BOC: variants seen among roughly 807,000 people sequenced by gnomAD.
The protein encoded by BOC is brother of CDO.
In BOC, 76 loss-of-function variants were observed where a neutral mutation model predicts 112.0. The ratio of observed to expected loss-of-function variants is 0.68; its 90% CI spans 0.56 to 0.82. The LOEUF is 0.82. Among genes scored for constraint, BOC ranks in the 40% least tolerant of loss-of-function variants. BOC has a pLI of 0.00. For missense variants in BOC, 1,309 were observed against 1,511.7 expected, an observed-to-expected ratio of 0.87 and a Z score of 2.22; for synonymous variants, 580 against 599.8, an observed-to-expected ratio of 0.97 and a Z score of 0.48.
chr3:113,213,147 C>G (rs891778584), intron 1 of BOC, among the ~76,000 whole-genome samples: 3 of 152,144 alleles, frequency 2.0e-5, no homozygotes, highest in African/African-American at 7.2e-5. Context: ...CAAACTGGCA[C>G]TTTTTGGGTG....
At chr3:113,270,631 A>T (rs1376883959) in intron 5 of BOC, 170 bp from the exon 6 acceptor site, 1 of 707,802 alleles carries the variant, frequency 1.4e-6, no homozygotes, top group Admixed American at 3.0e-5. Context: ...GCAAGGTTTT[A>T]TGGGGAGAAC....
chr3:113,268,205 G>T (rs922128459), intron 4 of BOC, 94 bp from the exon 5 acceptor site: 3 of 1,544,068 alleles, frequency 1.9e-6, no homozygotes, highest in East Asian at 2.3e-5. Flanking sequence ...TGTGAGCTTT[G>T]TCATGACTGA....
chr3:113,272,811 C>T, intron 7 of BOC, 108 bp downstream of exon 7: 1 of 1,351,632 alleles, frequency 7.4e-7, no homozygotes, highest in Non-Finnish European at 1.0e-6. Flanking sequence ...TGTGAAAGGC[C>T]ACATGCTGAG....
chr3:113,225,509 C>G (rs893165847), intron 2 of BOC, among the ~76,000 whole-genome samples: 2 of 152,228 alleles, frequency 1.3e-5, no homozygotes, highest in African/African-American at 4.8e-5. Flanking sequence ...TCATCTGGCC[C>G]ATTCTCCAAT....
At chr3:113,257,411 A>G (rs1187161359) in intron 4 of BOC, among the ~76,000 whole-genome samples, 1 of 152,220 alleles carries the variant, frequency 6.6e-6, no homozygotes, top group African/African-American at 2.4e-5. Flanking sequence ...TCACCTTGGC[A>G]GAGGCATATT....
chr3:113,286,848 C>G lies in BOC; in HGVS notation c.3334C>G (p.Pro1112Ala). The change falls in exon 20 of 20, where the codon CCT becomes GCT. Residue 1112 changes from proline (P) to alanine (A), a missense_variant. By Grantham distance (27) the Pro-to-Ala change is conservative (BLOSUM62 -1). Transcript: ENST00000682979. The stretch of plus-strand genomic sequence containing the variant: ...GGTGCGTGTGTCTTTTGAAACACCA[C>G]CTCTCACAATTTAGGCAGAAGCTGA... ...PLVRVSFETP[P>A]LTI 1 of 1,587,536 alleles carries G rather than the reference C, an allele frequency of 6.3e-7. No homozygotes were observed. The highest frequency in any genetic ancestry group is 8.5e-7 in the Non-Finnish European group (1 of 1,169,666).
Position 113,279,893 on chromosome 3 carries a change from G to C in BOC, c.2093G>C (p.Arg698Pro), listed in dbSNP as rs200052465. 211 of 1,613,940 alleles carry C rather than the reference G, an allele frequency of 1.3e-4. 1 individual carries two copies. The East Asian group carries it at 4.5e-3, about 34-fold the overall frequency. ...GAGAGCGAGCCCAGCGCCCCCTCTC[G>C]GCCCTACGTGGTGTCGGGCTACAGC... ...LGESEPSAPS[R>P]PYVVSGYSGR... Residue 698 changes from arginine (R) to proline (P), a missense_variant, in exon 13 of 20, where the codon CGG (arginine) becomes CCG (proline). Transcript: ENST00000682979.
At chr3:113,254,647 A>C (rs1946035208) in intron 4 of BOC, among the ~76,000 whole-genome samples, 1 of 152,244 alleles carries the variant, frequency 6.6e-6, no homozygotes, top group Admixed American at 6.5e-5. Context: ...ATGCACACCC[A>C]CACACACTCA....
At chr3:113,263,313 C>T (rs111828426) in intron 4 of BOC, among the ~76,000 whole-genome samples, 2,125 of 152,254 alleles carry the variant, frequency 0.014, 32 homozygotes, top group Middle Eastern at 0.075. Context: ...CCTGTGATCC[C>T]CAGGAACAGG....
At chr3:113,234,848 C>T (rs1336666526) in intron 2 of BOC, among the ~76,000 whole-genome samples, 1 of 152,210 alleles carries the variant, frequency 6.6e-6, no homozygotes, top group African/African-American at 2.4e-5. Flanking sequence ...AATTCCTTGT[C>T]TGTGGTTCCG....
intron 2 of BOC, among the ~76,000 whole-genome samples, chr3:113,221,781 C>T (rs1940711894): frequency 1.3e-5 from 2 of 152,216 alleles, no homozygotes; most frequent in South Asian, 4.1e-4. Context: ...CTCAGAACTT[C>T]CATGGCTTCC....
chr3:113,279,762 G>A (rs1488018187), intron 12 of BOC, 62 bp from the exon 13 acceptor site: 1 of 1,521,592 alleles, frequency 6.6e-7, no homozygotes. Flanking sequence ...GCCTTGAAAG[G>A]CCATGGGAGA....
Position 113,284,509 on chromosome 3 carries a change from C to G in BOC, c.2831C>G (p.Ala944Gly), listed in dbSNP as rs1250397597. The G allele has an allele frequency of 6.2e-7, 1 of 1,613,986 alleles. No individual in the cohort carries two copies. The highest frequency in any genetic ancestry group is 8.5e-7 in the Non-Finnish European group (1 of 1,179,950). ...GIHMNRGCPSAAVGYPGMKPQ... is the reference protein window; with the variant it reads ...GIHMNRGCPSGAVGYPGMKPQ... ...CACATGAATAGGGGCTGCCCCTCGGCTGCAGTGGGCTACCCGGGCATGAAG... is the reference window on the plus strand; with the variant it reads ...CACATGAATAGGGGCTGCCCCTCGGGTGCAGTGGGCTACCCGGGCATGAAG... Residue 944 changes from alanine (A) to glycine (G), a missense_variant, in exon 17 of 20, where the codon GCT becomes GGT. By Grantham distance (60) the Ala-to-Gly change is moderately conservative. Transcript: ENST00000682979.
intron 2 of BOC, among the ~76,000 whole-genome samples, chr3:113,245,900 C>T (rs1256729939): frequency 3.3e-5 from 5 of 152,206 alleles, no homozygotes; most frequent in Non-Finnish European, 5.9e-5. Context: ...GTGGCATGGG[C>T]GTCCAGGGGA....
chr3:113,286,743 G>A lies in BOC; in HGVS notation c.3229G>A (p.Gly1077Arg). The change falls in exon 20 of 20, where the codon GGA (glycine) becomes AGA (arginine). Residue 1077 changes from glycine (G) to arginine (R), a missense_variant. Transcript: ENST00000682979. ...CAGTCCTGACTCCTGCCAAGTGAGT[G>A]GAGGAGACTGGTGTCCCCAGCACCC... is the stretch of plus-strand genomic sequence containing the variant. ...VDSPDSCQVSGGDWCPQHPVG... is the reference protein window; with the variant it reads ...VDSPDSCQVSRGDWCPQHPVG... 6.2e-7 allele frequency: 1 copy of A among 1,613,762 alleles called. No homozygotes were observed. Among genetic ancestry groups the A allele is most frequent in the Non-Finnish European group, 8.5e-7 (1 of 1,179,810 alleles).
At chr3:113,216,999 G>A (rs757260780) in intron 2 of BOC, among the ~76,000 whole-genome samples, 9 of 152,238 alleles carry the variant, frequency 5.9e-5, no homozygotes, top group Non-Finnish European at 1.3e-4. Context: ...TCTCCAAAGT[G>A]AGTTTGGACA....
intron 4 of BOC, among the ~76,000 whole-genome samples, chr3:113,265,623 G>A (rs1947396382): frequency 6.6e-6 from 1 of 152,252 alleles, no homozygotes; most frequent in Non-Finnish European, 1.5e-5. Context: ...GCTAGAACAT[G>A]TTGAGCTCAA....
rs1471141841 is a variant in BOC at position 113,279,442 on chromosome 3, G to A, written c.2010G>A (p.Thr670=). ...CATCGCGGCTGTCCGTGGAGATCAC[G>A]GGCCTAGAGAAAGGTAGGGGCCTGG... ...IPPSRLSVEI[T]GLEKGTSYKF... Residue 670 remains threonine, a synonymous_variant, in exon 12 of 20, where the codon ACG becomes ACA. Coordinates refer to ENST00000682979, the MANE Select transcript of BOC (RefSeq NM_001378074.1). 9.3e-6 allele frequency: 15 copies of A among 1,613,816 alleles called. No individual in the cohort carries two copies. Among genetic ancestry groups the A allele is most frequent in the South Asian group, 2.2e-5 (2 of 91,078 alleles).
At chr3:113,231,249 G>C (rs1181847695) in intron 2 of BOC, among the ~76,000 whole-genome samples, 4 of 152,160 alleles carry the variant, frequency 2.6e-5, no homozygotes, top group Non-Finnish European at 5.9e-5. Flanking sequence ...TACATACCTT[G>C]TTTGAAAATT....
Sources: gnomAD v4.1 joint callset for allele counts (sites outside exome capture counted in the v4.1 genomes callset) on GRCh38, gnomAD v4.1.1 for gene constraint, MANE v1.5 for transcripts, NCBI Gene and HGNC (gene_info 2026-07-23, HGNC 2026-07-21) for gene names.